COL1A1: variants seen among roughly 807,000 people sequenced by gnomAD.
COL1A1 encodes collagen type I alpha 1 chain, also known as collagen alpha-1(I) chain.
In COL1A1, 21 loss-of-function variants were observed where a neutral mutation model predicts 195.7. That is an observed-to-expected ratio of 0.11 (90% CI 0.08 to 0.15). The LOEUF is 0.15. Among genes scored for constraint, COL1A1 ranks in the 10% least tolerant of loss-of-function variants. The pLI is 1.00. For missense variants in COL1A1, 1,365 were observed against 2,051.0 expected (o/e 0.67, Z 6.46); for synonymous variants, 749 against 747.3 (o/e 1.00, Z -0.04).
rs1020082467 is a variant in COL1A1 at position 50,201,351 on chromosome 17, G to T, written c.103+60C>A. 2.0e-6 allele frequency: 3 copies of T among 1,521,470 alleles called. No individual in the cohort carries two copies. In the Admixed American group the frequency reaches 5.3e-5, roughly 27 times the overall value. The allele number at this position is 1,521,470 out of a possible 1,614,324, so 94.2% of individuals were successfully genotyped here. The stretch of plus-strand genomic sequence containing the variant: ...CGTCTCGTTTTAAGCCGCGGCCCCC[G>T]GGACCAAGCGCAAGGCGCGATATAG... On this transcript the variant is annotated intron_variant, in intron 1 of 50. Coordinates refer to ENST00000225964, the MANE Select transcript of COL1A1 (RefSeq NM_000088.4).
intron 32 of COL1A1, 99 bp from the exon 33 acceptor site, chr17:50,191,023 T>C: frequency 2.6e-6 from 3 of 1,135,140 alleles, no homozygotes; most frequent in Non-Finnish European, 3.9e-6. Context: ...CCTCTGCAGC[T>C]CTGCCCTGCC....
Position 50,194,237 on chromosome 17 carries a change from G to A in COL1A1, c.1615-54C>T, listed in dbSNP as rs1483244789. The A allele has an allele frequency of 6.3e-7, 1 of 1,593,036 alleles. No individual in the cohort carries two copies. The highest frequency in any genetic ancestry group is 1.1e-5 in the South Asian group (1 of 90,624). ...CTTGGGGAGAAGCATGATGGAGGTG[G>A]GGGAGGACTCCAGAGGGCAGACCCT... is the stretch of plus-strand genomic sequence containing the variant. On this transcript the variant is annotated intron_variant, in intron 23 of 50. Transcript: ENST00000225964. The surrounding 1 kb of genome is among the most constrained non-coding windows in gnomAD (Gnocchi z 6.8).
At position 50,188,310 on chromosome 17, in the gene COL1A1, G is replaced by T; in HGVS notation, c.3208-161C>A. The T allele has an allele frequency of 1.2e-6, 1 of 866,334 alleles. No individual in the cohort carries two copies. The highest frequency in any genetic ancestry group is 1.8e-6 in the Non-Finnish European group (1 of 565,100). 53.7% of individuals were successfully genotyped at this position (866,334 alleles called of 1,614,324 possible). On this transcript the variant is annotated intron_variant, in intron 43 of 50. Transcript: ENST00000225964. The surrounding 1 kb of genome is among the most constrained non-coding windows in gnomAD (Gnocchi z 5.6). ...GAAACCTCCCCACTGCAATCTTCAC[G>T]GGAGCTGGGGCCAACTCATGGGAGA...
rs1907249680 is a variant in COL1A1, at chr17:50,193,138, AG to A, written c.1768-92del. 10 of 1,313,992 alleles carry A rather than the reference AG, an allele frequency of 7.6e-6. No individual in the cohort carries two copies. In the South Asian group the frequency reaches 1.2e-4, roughly 16 times the overall value. 81.4% of individuals were successfully genotyped at this position (1,313,992 alleles called of 1,614,324 possible). A position where few individuals can be genotyped will look rare whatever the true frequency, so the allele number is the denominator to read the frequency against. On this transcript the variant is annotated intron_variant, in intron 25 of 50. Coordinates refer to ENST00000225964, the MANE Select transcript of COL1A1 (RefSeq NM_000088.4). ...CATTTACTCTGAGTGGGACTTTTTA[AG>A]GGACTTTCTTTTCAAAAGACTGTTT...
chr17:50,191,474 G>A lies in COL1A1; in HGVS notation c.2144C>T (p.Pro715Leu). The change falls in exon 32 of 51, where the codon CCT (proline) becomes CTT (leucine). Residue 715 changes from proline to leucine, a missense_variant. Pro to Leu is a moderately conservative substitution (Grantham distance 98). Coordinates refer to ENST00000225964, the MANE Select transcript of COL1A1 (RefSeq NM_000088.4). The stretch of plus-strand genomic sequence containing the variant: ...GGCGCCCTGGCTACCGGGAGCTCCA[G>A]GGGCACCAGCATCACCCTATGTGAC... Reference protein sequence around the residue: ...NDGAKGDAGAPGAPGSQGAPG... With the variant: ...NDGAKGDAGALGAPGSQGAPG... The A allele has an allele frequency of 6.2e-7, 1 of 1,607,858 alleles. No homozygotes were observed. Among genetic ancestry groups the A allele is most frequent in the Non-Finnish European group, 8.5e-7 (1 of 1,177,566 alleles).
chr17:50,192,342 C>G (rs1907173483), intron 29 of COL1A1, 133 bp downstream of exon 29: 1 of 1,065,576 alleles, frequency 9.4e-7, no homozygotes, highest in African/African-American at 1.6e-5. Flanking sequence ...CTGCTCCCTT[C>G]ATGGGAGGAA....
chr17:50,190,249 C>T lies in COL1A1; in HGVS notation c.2451+78G>A, dbSNP rs113676543. On this transcript the variant is annotated intron_variant, in intron 35 of 50. Transcript: ENST00000225964. The surrounding 1 kb of genome is among the most constrained non-coding windows in gnomAD (Gnocchi z 4.7). ...ACCCTTCTCCCCTGAGGATGGCTGA[C>T]GCCTTTGTCCTCATTCCGTCCCTCG... 2.9e-5 allele frequency: 38 copies of T among 1,289,402 alleles called. No homozygotes were observed. The highest frequency in any genetic ancestry group is 3.7e-4 in the Middle Eastern group (2 of 5,470). The allele number at this position is 1,289,402 out of a possible 1,614,324, so 79.9% of individuals were successfully genotyped here.
chr17:50,197,326 G>A (rs1907684762), intron 9 of COL1A1, 93 bp from the exon 10 acceptor site: 2 of 1,340,100 alleles, frequency 1.5e-6, no homozygotes, highest in Non-Finnish European at 2.1e-6. Context: ...TCTTTGGATT[G>A]TTGCAGGTCA....
chr17:50,190,374 G>T lies in COL1A1; in HGVS notation c.2404C>A (p.Arg802Ser). Reference protein sequence around the residue: ...PTGARGAPGDRGEPGPPGPAG... With the variant: ...PTGARGAPGDSGEPGPPGPAG... Reference sequence around the variant, plus strand: ...GGGCCGGGGGGACCAGGCTCACCACGGTCTCCCTAGAAGAAAAGGAGTCAG... The same window carrying T: ...GGGCCGGGGGGACCAGGCTCACCACTGTCTCCCTAGAAGAAAAGGAGTCAG... The change falls in exon 35 of 51, where the codon CGT (arginine) becomes AGT (serine). Residue 802 changes from arginine to serine, a missense_variant. Physicochemically the swap from Arg to Ser is moderately radical, Grantham distance 110 (BLOSUM62 -1). Transcript: ENST00000225964. The surrounding 1 kb of genome is among the most constrained non-coding windows in gnomAD (Gnocchi z 4.7). 6.2e-7 allele frequency: 1 copy of T among 1,612,162 alleles called. No homozygotes were observed. The highest frequency in any genetic ancestry group is 8.5e-7 in the Non-Finnish European group (1 of 1,178,446).
In COL1A1 at chr17:50,184,398, C is replaced by T. The variant is rs568937195; in HGVS notation, c.*1104G>A. 1.8e-5 allele frequency: 4 copies of T among 217,720 alleles called. No homozygotes were observed. In the East Asian group the frequency reaches 2.6e-4, roughly 14 times the overall value. 13.5% of individuals were successfully genotyped at this position (217,720 alleles called of 1,614,324 possible). ...TGGAGAGAGGGTGGAAAGTGAGCAG[C>T]GGGCTGGGCTGGAGCCGCACACGCT... On this transcript the variant is annotated 3_prime_UTR_variant, in exon 51 of 51. Transcript: ENST00000225964.
At chr17:50,200,913 T>A (rs1319073789) in intron 1 of COL1A1, among the ~76,000 whole-genome samples, 1 of 152,020 alleles carries the variant, frequency 6.6e-6, no homozygotes, top group East Asian at 1.9e-4. Context: ...CCCCGCCGAG[T>A]CCGCGCCAAA....
chr17:50,191,464 G>A lies in COL1A1; in HGVS notation c.2154C>T (p.Pro718=), dbSNP rs550291465. ...AKGDAGAPGA[P]GSQGAPGLQG... Reference sequence around the variant, plus strand: ...GAAGGCCAGGGGCGCCCTGGCTACCGGGAGCTCCAGGGGCACCAGCATCAC... The same window carrying A: ...GAAGGCCAGGGGCGCCCTGGCTACCAGGAGCTCCAGGGGCACCAGCATCAC... Residue 718 remains proline, a synonymous_variant, in exon 32 of 51, where the codon CCC becomes CCT. Coordinates refer to ENST00000225964, the MANE Select transcript of COL1A1 (RefSeq NM_000088.4). 1.5e-5 allele frequency: 24 copies of A among 1,592,080 alleles called. No homozygotes were observed. In the African/African-American group the frequency reaches 1.6e-4, roughly 11 times the overall value.
At position 50,188,824 on chromosome 17, in the gene COL1A1, G is replaced by A; in HGVS notation, c.3046-29C>T. The A allele has an allele frequency of 1.3e-6, 2 of 1,579,918 alleles. No individual in the cohort carries two copies. Among genetic ancestry groups the A allele is most frequent in the Non-Finnish European group, 1.7e-6 (2 of 1,148,972 alleles). On this transcript the variant is annotated intron_variant, in intron 41 of 50. Transcript: ENST00000225964. The surrounding 1 kb of genome is among the most constrained non-coding windows in gnomAD (Gnocchi z 5.6). ...CAGAGAGAGAGAGAGAGAAGTGAGA[G>A]TCAGCCGGGGAAGAGGGCTTAGGCA... is the stretch of plus-strand genomic sequence containing the variant.
At chr17:50,193,414 C>G in intron 25 of COL1A1, 1 of 388,504 alleles carries the variant, frequency 2.6e-6, no homozygotes, top group Non-Finnish European at 4.7e-6. Flanking sequence ...ACCAACAACA[C>G]TTATTTCCAG....
In COL1A1 at chr17:50,184,342, G is replaced by C; in HGVS notation, c.*1160C>G. 4.3e-6 allele frequency: 1 copy of C among 231,938 alleles called. No homozygotes were observed. The highest frequency in any genetic ancestry group is 8.5e-6 in the Non-Finnish European group (1 of 117,054). The allele number at this position is 231,938 out of a possible 1,614,324, so 14.4% of individuals were successfully genotyped here. ...GGAGGGTTTCAGAGGAGAGAGGTCG[G>C]AGAGCAGAGGCCTGAGAAGCCAGAG... is the stretch of plus-strand genomic sequence containing the variant. On this transcript the variant is annotated 3_prime_UTR_variant, in exon 51 of 51. Transcript: ENST00000225964.
In COL1A1 at chr17:50,194,038, G is replaced by A. The variant is rs997295808; in HGVS notation, c.1672C>T (p.Pro558Ser). The A allele has an allele frequency of 1.9e-6, 3 of 1,613,840 alleles. No homozygotes were observed. The highest frequency in any genetic ancestry group is 1.1e-5 in the South Asian group (1 of 91,058). ...CCGGGGCGACCATCTTGACCGGCGG[G>A]ACCCTAAGGATGGGAGGCACGAAAG... ...GPDGKTGPPG[P>S]AGQDGRPGPP... is the part of the protein sequence containing the mutation. The change falls in exon 25 of 51, where the codon CCC becomes TCC. Residue 558 changes from proline (P) to serine (S), a missense_variant. By Grantham distance (74) the Pro-to-Ser change is moderately conservative (BLOSUM62 -1). Around this residue, in one of 5 missense-constraint regions of COL1A1, gnomAD observed 671 missense variants for 1,099.9 expected, o/e 0.61. Coordinates refer to ENST00000225964, the MANE Select transcript of COL1A1 (RefSeq NM_000088.4). This position sits in a 1 kb window ranked among gnomAD's most constrained non-coding sequence, Gnocchi z 6.8.
chr17:50,192,092 C>T (rs1598292970), intron 29 of COL1A1, 68 bp from the exon 30 acceptor site: 35 of 1,532,638 alleles, frequency 2.3e-5, no homozygotes, highest in Middle Eastern at 1.7e-4. Context: ...CTGGAAAGCA[C>T]GGTCCTTCCT....
At position 50,188,040 on chromosome 17, in the gene COL1A1, G is replaced by GC; in HGVS notation, c.3261+55dup. The GC allele has an allele frequency of 6.2e-7, 1 of 1,612,804 alleles. No individual in the cohort carries two copies. The highest frequency in any genetic ancestry group is 1.7e-4 in the Middle Eastern group (1 of 6,060). On this transcript the variant is annotated intron_variant, in intron 44 of 50. Transcript: ENST00000225964. This position sits in a 1 kb window ranked among gnomAD's most constrained non-coding sequence, Gnocchi z 5.6. ...GGAAGTTCCATTGGCATCGAGTGGG[G>GC]CACTGTCTGCATCTGTAGAGTTCTA...
In COL1A1 at chr17:50,189,284, G is replaced by A. The variant is rs1906854445; in HGVS notation, c.2830-9C>T. 1.9e-6 allele frequency: 3 copies of A among 1,613,846 alleles called. No individual in the cohort carries two copies. The highest frequency in any genetic ancestry group is 1.7e-6 in the Non-Finnish European group (2 of 1,179,974). On this transcript the variant is annotated splice_polypyrimidine_tract_variant and intron_variant, in intron 39 of 50. Coordinates refer to ENST00000225964, the MANE Select transcript of COL1A1 (RefSeq NM_000088.4). The surrounding 1 kb of genome is among the most constrained non-coding windows in gnomAD (Gnocchi z 5.5). ...GGAGTACCAGGAGCACCCTTTGGGA[G>A]GCAAACAGGGGTGAGGTGCCAGAGA...
Sources: allele counts gnomAD v4.1 joint callset (sites outside exome capture counted in the v4.1 genomes callset), GRCh38; gene constraint gnomAD v4.1.1; regional missense constraint gnomAD v4.1.1; non-coding constraint Gnocchi (gnomAD v3.1); transcripts MANE v1.5; gene names NCBI Gene and HGNC (gene_info 2026-07-23, HGNC 2026-07-21).